TTC1: variants seen among roughly 807,000 people sequenced by gnomAD.
TTC1 encodes tetratricopeptide repeat domain 1.
TTC1 carries 31 observed loss-of-function variants against 37.6 expected under a neutral mutation model. The ratio of observed to expected loss-of-function variants is 0.82; its 90% CI spans 0.62 to 1.11. The LOEUF is 1.11. TTC1 is among the 50% of genes most tolerant of loss of function. The pLI is 0.00. For synonymous variants in TTC1, 127 were observed against 122.4 expected (o/e 1.04, Z -0.25); for missense variants, 351 against 339.0 (o/e 1.04, Z -0.28).
At chr5:160,045,524 T>TCC (rs1561634994) in intron 5 of TTC1, among the ~76,000 whole-genome samples, 2 of 106,482 alleles carry the variant, frequency 1.9e-5, no homozygotes, top group African/African-American at 8.0e-5. Flanking sequence ...ATACACACTC[T>TCC]CTCTCTCTCT....
intron 2 of TTC1, among the ~76,000 whole-genome samples, chr5:160,018,386 TGG>T (rs1756643346): frequency 1.3e-5 from 2 of 152,202 alleles, no homozygotes; most frequent in African/African-American, 4.8e-5. Context: ...AAAGCCTCTC[TGG>T]AGAGGTGGCC....
intron 2 of TTC1, among the ~76,000 whole-genome samples, chr5:160,022,166 C>A (rs190173101): frequency 2.6e-5 from 4 of 152,234 alleles, no homozygotes; most frequent in African/African-American, 9.6e-5. Flanking sequence ...GTATTTCATG[C>A]AAGTTTTTAA....
chr5:160,044,865 A>G (rs1204557622), intron 5 of TTC1, among the ~76,000 whole-genome samples: 1 of 152,134 alleles, frequency 6.6e-6, no homozygotes, highest in East Asian at 1.9e-4. Context: ...GATGCCTCTG[A>G]CACTCTAATT....
chr5:160,044,903 C>T (rs1342599207), intron 5 of TTC1, among the ~76,000 whole-genome samples: 1 of 152,174 alleles, frequency 6.6e-6, no homozygotes, highest in African/African-American at 2.4e-5. Context: ...GGTGCCCTCT[C>T]TACTGGCTTT....
chr5:160,030,992 A>G (rs1756898521), intron 2 of TTC1, among the ~76,000 whole-genome samples: 1 of 152,192 alleles, frequency 6.6e-6, no homozygotes, highest in South Asian at 2.1e-4. Context: ...AGGAAGACCT[A>G]TACACTATCT....
chr5:160,010,697 C>A lies in TTC1; in HGVS notation c.169C>A (p.Gln57Lys). 1.2e-6 allele frequency: 2 copies of A among 1,613,710 alleles called. No individual in the cohort carries two copies. The highest frequency in any genetic ancestry group is 1.7e-6 in the Non-Finnish European group (2 of 1,179,834). The change falls in exon 2 of 8, where the codon CAG (glutamine) becomes AAG (lysine). Residue 57 changes from glutamine to lysine, a missense_variant. Gln to Lys is a moderately conservative substitution (Grantham distance 53). Coordinates refer to ENST00000231238, the MANE Select transcript of TTC1 (RefSeq NM_003314.3). ...TGATGAGGCCCATCTCCAGGAGGAC[C>A]AGGGAGAAGAGGAGTGTTTTCATGA... ...RDDEAHLQED[Q>K]GEEECFHDCS...
chr5:160,047,673 C>T (rs923384866), intron 5 of TTC1, among the ~76,000 whole-genome samples: 1 of 152,090 alleles, frequency 6.6e-6, no homozygotes, highest in African/African-American at 2.4e-5. Flanking sequence ...TTTCCCTGGC[C>T]AGGAAGGTCC....
At chr5:160,009,249 A>C (rs1246239029) in intron 1 of TTC1, 56 bp downstream of exon 1, 1 of 152,206 alleles carries the variant, frequency 6.6e-6, no homozygotes, top group Non-Finnish European at 1.5e-5. Context: ...GCTAGGGAAT[A>C]ATCTGCTGGG....
chr5:160,056,507 G>T (rs997455538), intron 7 of TTC1, among the ~76,000 whole-genome samples: 15 of 152,118 alleles, frequency 9.9e-5, no homozygotes, highest in African/African-American at 3.6e-4. Flanking sequence ...GGTCAAGACT[G>T]CAGTTGAAGA....
chr5:160,031,367 T>C (rs537745238), intron 2 of TTC1, among the ~76,000 whole-genome samples: 1 of 152,182 alleles, frequency 6.6e-6, no homozygotes, highest in African/African-American at 2.4e-5. Context: ...ATCCCAGAAC[T>C]TTGGGAGGCC....
rs1753572301 is a variant in TTC1, at chr5:160,065,294, G to C, written c.*229G>C. 1 of 691,066 alleles carries C rather than the reference G, an allele frequency of 1.4e-6. No individual in the cohort carries two copies. Among genetic ancestry groups the C allele is most frequent in the Non-Finnish European group, 2.5e-6 (1 of 393,464 alleles). The allele number at this position is 691,066 out of a possible 1,614,324, so 42.8% of individuals were successfully genotyped here. A position where few individuals can be genotyped will look rare whatever the true frequency, so the allele number is the denominator to read the frequency against. The stretch of plus-strand genomic sequence containing the variant: ...ATTTTAAGGTGGTGTCTGTGCAGCT[G>C]GTGTCCCCGATTCTGGCTGTCCTAT... On this transcript the variant is annotated 3_prime_UTR_variant, in exon 8 of 8. Coordinates refer to ENST00000231238, the MANE Select transcript of TTC1 (RefSeq NM_003314.3).
chr5:160,045,453 T>TA (rs1561634629), intron 5 of TTC1, among the ~76,000 whole-genome samples: 12 of 34,010 alleles, frequency 3.5e-4, no homozygotes, highest in South Asian at 8.5e-4. Flanking sequence ...TCCCCCACCC[T>TA]CCACACACAC....
At position 160,065,482 on chromosome 5, in the gene TTC1, TA is replaced by T. The variant is rs1753579916; in HGVS notation, c.*419del. On this transcript the variant is annotated 3_prime_UTR_variant, in exon 8 of 8. Coordinates refer to ENST00000231238, the MANE Select transcript of TTC1 (RefSeq NM_003314.3). ...GCTGTCCCCTCCCTGATCACACAGC[TA>T]ACGAGGCTGCCTCCAGCATTTCCTG... 4.5e-6 allele frequency: 2 copies of T among 447,538 alleles called. No individual in the cohort carries two copies. Among genetic ancestry groups the T allele is most frequent in the African/African-American group, 4.0e-5 (2 of 49,842 alleles). 27.7% of individuals were successfully genotyped at this position (447,538 alleles called of 1,614,324 possible).
intron 7 of TTC1, 36 bp downstream of exon 7, chr5:160,051,219 G>A (rs761760092): frequency 6.4e-7 from 1 of 1,562,638 alleles, no homozygotes; most frequent in South Asian, 1.1e-5. Context: ...ATCATAAACA[G>A]CTAGGAACCT....
At chr5:160,015,949 T>C (rs758255504) in intron 2 of TTC1, among the ~76,000 whole-genome samples, 2 of 152,198 alleles carry the variant, frequency 1.3e-5, no homozygotes, top group Non-Finnish European at 2.9e-5. Context: ...CATTGGAGAA[T>C]TGTTTAGTGT....
intron 6 of TTC1, among the ~76,000 whole-genome samples, chr5:160,050,415 C>T (rs1757370964): frequency 6.6e-6 from 1 of 152,032 alleles, no homozygotes; most frequent in Non-Finnish European, 1.5e-5. Flanking sequence ...CCACTGCACT[C>T]CAGTCTGGGC....
chr5:160,025,733 G>A (rs1217396702), intron 2 of TTC1, among the ~76,000 whole-genome samples: 1 of 152,114 alleles, frequency 6.6e-6, no homozygotes, highest in East Asian at 1.9e-4. Context: ...GTAGTTAAGA[G>A]GATGAACTTT....
At chr5:160,014,089 A>C (rs1205318157) in intron 2 of TTC1, among the ~76,000 whole-genome samples, 3 of 152,138 alleles carry the variant, frequency 2.0e-5, no homozygotes, top group African/African-American at 7.2e-5. Context: ...GGGATGGCTC[A>C]CACCTATAAT....
At chr5:160,038,748 C>T (rs1213404360) in intron 4 of TTC1, among the ~76,000 whole-genome samples, 1 of 148,630 alleles carries the variant, frequency 6.7e-6, no homozygotes, top group Non-Finnish European at 1.5e-5. Context: ...CTGCAACCTC[C>T]GCCTCCCGTG....
Sources: gnomAD v4.1 joint callset for allele counts (sites outside exome capture counted in the v4.1 genomes callset) on GRCh38, gnomAD v4.1.1 for gene constraint, MANE v1.5 for transcripts, NCBI Gene and HGNC (gene_info 2026-07-23, HGNC 2026-07-21) for gene names.